SORCS3: variants seen among roughly 807,000 people sequenced by gnomAD.
SORCS3 encodes VPS10 domain-containing receptor SorCS3.
SORCS3 carries 57 observed loss-of-function variants against 146.3 expected under a neutral mutation model. The observed-to-expected ratio is 0.39, with a 90% CI of 0.31 to 0.49. The LOEUF (loss-of-function observed/expected upper bound fraction) is 0.49, where lower values mean the gene tolerates loss of function less well. Among genes scored for constraint, SORCS3 ranks in the 20% least tolerant of loss-of-function variants. SORCS3 has a pLI of 0.92. For synonymous variants in SORCS3, 653 were observed against 618.5 expected (o/e 1.06, Z -0.83); for missense variants, 1,341 against 1,575.5 (o/e 0.85, Z 2.52).
At chr10:104,765,778 A>G (rs1474547893) in intron 1 of SORCS3, among the ~76,000 whole-genome samples, 1 of 152,198 alleles carries the variant, frequency 6.6e-6, no homozygotes, top group Non-Finnish European at 1.5e-5. Flanking sequence ...TAATTTTTTT[A>G]ATAACTATAA....
intron 8 of SORCS3, among the ~76,000 whole-genome samples, chr10:105,147,393 G>A (rs75098641): frequency 0.021 from 3,248 of 152,228 alleles, 91 homozygotes; most frequent in East Asian, 0.16. Flanking sequence ...CATGGGAAAT[G>A]ATATCAACCA....
At chr10:105,101,782 T>C (rs1332953254) in intron 6 of SORCS3, among the ~76,000 whole-genome samples, 2 of 152,220 alleles carry the variant, frequency 1.3e-5, no homozygotes, top group Admixed American at 6.5e-5. Flanking sequence ...CCCCTGTGTG[T>C]ACCTTTGATT....
chr10:104,809,189 T>C (rs1442594906), intron 1 of SORCS3, among the ~76,000 whole-genome samples: 1 of 152,234 alleles, frequency 6.6e-6, no homozygotes, highest in Non-Finnish European at 1.5e-5. Context: ...TTGTCATTCA[T>C]CTCCCAAGAC....
intron 6 of SORCS3, among the ~76,000 whole-genome samples, chr10:105,104,322 AT>A (rs888802396): frequency 3.3e-5 from 5 of 151,972 alleles, no homozygotes; most frequent in Admixed American, 2.6e-4. Context: ...TTTAAAGCAA[AT>A]TTTTTTGGTG....
intron 16 of SORCS3, among the ~76,000 whole-genome samples, chr10:105,205,768 T>C (rs1157966541): frequency 1.3e-5 from 2 of 152,208 alleles, no homozygotes; most frequent in Non-Finnish European, 2.9e-5. Context: ...GCAGATGTTT[T>C]ACCACATCTG....
At chr10:104,915,980 T>C (rs1182025105) in intron 3 of SORCS3, 48 bp downstream of exon 3, 3 of 1,433,460 alleles carry the variant, frequency 2.1e-6, no homozygotes, top group African/African-American at 2.8e-5. Context: ...TGGGTAGCTG[T>C]GCTGATTAGG....
At chr10:104,959,921 G>A (rs2054783054) in intron 3 of SORCS3, among the ~76,000 whole-genome samples, 1 of 152,126 alleles carries the variant, frequency 6.6e-6, no homozygotes, top group Non-Finnish European at 1.5e-5. Context: ...CCTTTCCTCA[G>A]TACAGTTCCT....
intron 2 of SORCS3, among the ~76,000 whole-genome samples, chr10:104,901,349 C>T (rs1458868455): frequency 6.6e-6 from 1 of 152,290 alleles, no homozygotes; most frequent in Non-Finnish European, 1.5e-5. Context: ...GTGGTGGAAC[C>T]AGGCATTGAA....
chr10:104,973,896 T>A (rs949208145), intron 3 of SORCS3, among the ~76,000 whole-genome samples: 12 of 151,772 alleles, frequency 7.9e-5, no homozygotes, highest in African/African-American at 2.4e-4. Flanking sequence ...GTATGTTGTG[T>A]CTTTGTTCTC....
intron 3 of SORCS3, among the ~76,000 whole-genome samples, chr10:104,957,701 C>G (rs1442520075): frequency 1.3e-5 from 2 of 152,070 alleles, no homozygotes; most frequent in Admixed American, 1.3e-4. Context: ...GCTGGGGCTC[C>G]TCATTATGTA....
At chr10:104,727,342 A>T (rs1565420) in intron 1 of SORCS3, among the ~76,000 whole-genome samples, 1 of 151,946 alleles carries the variant, frequency 6.6e-6, no homozygotes, top group African/African-American at 2.4e-5. Flanking sequence ...ATAGAAAAGC[A>T]TACATATATC....
chr10:105,048,736 G>A (rs573888758), intron 5 of SORCS3, among the ~76,000 whole-genome samples: 25 of 151,990 alleles, frequency 1.6e-4, no homozygotes, highest in South Asian at 4.2e-4. Context: ...ACTAAAAACC[G>A]TTTCAAGACA....
In SORCS3 at chr10:105,258,047, C is replaced by T. The variant is rs113015468; in HGVS notation, c.3443+1123C>T. 1.0e-3 allele frequency among the ~76,000 whole-genome samples: 154 copies of T among 152,296 alleles called. 2 individuals are homozygous for T. Among genetic ancestry groups the T allele is most frequent in the African/African-American group, 3.6e-3 (149 of 41,536 alleles). Reference sequence around the variant, plus strand: ...AGAGATCAGTGGTAAAGGTGCTTGACTCTTCCTGCCCCCCTTCTTCCTGCT... The same window carrying T: ...AGAGATCAGTGGTAAAGGTGCTTGATTCTTCCTGCCCCCCTTCTTCCTGCT... On this transcript the variant is annotated intron_variant, in intron 25 of 26. Transcript: ENST00000369701.
At position 104,850,319 on chromosome 10, in the gene SORCS3, G is replaced by A. The variant is rs117921955; in HGVS notation, c.695+7460G>A. Among the ~76,000 whole-genome samples, 963 of 152,250 alleles carry A rather than the reference G, an allele frequency of 6.3e-3. 5 individuals are homozygous for A. Among genetic ancestry groups the A allele is most frequent in the Middle Eastern group, 0.01 (3 of 294 alleles). The stretch of plus-strand genomic sequence containing the variant: ...AAGCTTCAGCCAGGTGCGGTGACTC[G>A]CACCTATAATCCTAGCATTTTGGGA... On this transcript the variant is annotated intron_variant, in intron 2 of 26. Coordinates refer to ENST00000369701, the MANE Select transcript of SORCS3 (RefSeq NM_014978.3).
At chr10:104,717,717 C>T (rs2016496395) in intron 1 of SORCS3, among the ~76,000 whole-genome samples, 1 of 152,136 alleles carries the variant, frequency 6.6e-6, no homozygotes, top group Non-Finnish European at 1.5e-5. Context: ...AGGGTCAGAG[C>T]TGGGCAGTTT....
At chr10:104,643,475 C>T (rs1045576503) in intron 1 of SORCS3, among the ~76,000 whole-genome samples, 3 of 152,172 alleles carry the variant, frequency 2.0e-5, no homozygotes, top group Non-Finnish European at 4.4e-5. Flanking sequence ...TTCGCAGCAG[C>T]GCGATGGCGG....
At chr10:104,813,637 C>G (rs1056992670) in intron 1 of SORCS3, among the ~76,000 whole-genome samples, 4 of 152,118 alleles carry the variant, frequency 2.6e-5, no homozygotes, top group Non-Finnish European at 1.5e-5. Context: ...ATGGCCTGTC[C>G]CACACCCCTT....
At chr10:105,053,580 C>A (rs1026270800) in intron 5 of SORCS3, among the ~76,000 whole-genome samples, 2 of 151,692 alleles carry the variant, frequency 1.3e-5, no homozygotes, top group Non-Finnish European at 2.9e-5. Flanking sequence ...AGCCTTTTTT[C>A]CCTATTATAA....
At chr10:105,112,591 T>A (rs903779762) in intron 7 of SORCS3, among the ~76,000 whole-genome samples, 16 of 152,108 alleles carry the variant, frequency 1.1e-4, no homozygotes, top group African/African-American at 3.6e-4. Context: ...TTCTACCTGT[T>A]CCTGCCTACC....
Sources: gnomAD v4.1 joint callset for allele counts (sites outside exome capture counted in the v4.1 genomes callset) on GRCh38, gnomAD v4.1.1 for gene constraint, MANE v1.5 for transcripts, NCBI Gene and HGNC (gene_info 2026-07-23, HGNC 2026-07-21) for gene names.